Variants in LRFN3 observed in about 807,000 individuals in gnomAD.
LRFN3 encodes the protein leucine-rich repeat and fibronectin type-III domain-containing protein 3.
Under a neutral mutation model 23.8 loss-of-function variants are expected in LRFN3, and 8 were observed. The ratio of observed to expected loss-of-function variants is 0.34; its 90% confidence interval spans 0.20 to 0.61. The LOEUF (loss-of-function observed/expected upper bound fraction) is 0.61. LRFN3 is among the 20% of genes least tolerant of loss of function. The probability of loss-of-function intolerance (pLI) is 0.80; values close to 1 mark genes in which losing one functional copy is unlikely to be tolerated. For missense variants in LRFN3, 736 were observed against 935.3 expected (o/e 0.79, Z 2.78); for synonymous variants, 451 against 450.6 (o/e 1.00, Z -0.01).
Position 35,936,435 on chromosome 19 carries a change from C to A in LRFN3, c.-1137C>A, listed in dbSNP as rs1976055747. Among the ~76,000 whole-genome samples the A allele has an allele frequency of 6.6e-6, 1 of 150,754 alleles. No homozygotes were observed. The highest frequency in any genetic ancestry group is 2.4e-5 in the African/African-American group (1 of 41,092). The stretch of plus-strand genomic sequence containing the variant: ...AGGAGGCCGCGGGAGCGCCTGGACC[C>A]GGCCCGCCCAGCCCGGCCCCCGCCC... On this transcript the variant is annotated 5_prime_UTR_variant, in exon 1 of 3. Transcript: ENST00000246529.
rs752316941 is a variant in LRFN3, at chr19:35,939,418, T to A, written c.-8T>A. Reference sequence around the variant, plus strand: ...TCCCCTCTTCTCCGCAGGACACCCCTGCCCGCGATGGCCATCCTCCCGTTG... The same window carrying A: ...TCCCCTCTTCTCCGCAGGACACCCCAGCCCGCGATGGCCATCCTCCCGTTG... On this transcript the variant is annotated 5_prime_UTR_variant, in exon 2 of 3. Coordinates refer to ENST00000246529, the MANE Select transcript of LRFN3 (RefSeq NM_024509.2). This position sits in a 1 kb window ranked among gnomAD's most constrained non-coding sequence, Gnocchi z 6.4. 6.4e-7 allele frequency: 1 copy of A among 1,572,068 alleles called. No homozygotes were observed. The highest frequency in any genetic ancestry group is 8.6e-7 in the Non-Finnish European group (1 of 1,161,470).
At chr19:35,938,582 C>T (rs1475567882) in intron 1 of LRFN3, among the ~76,000 whole-genome samples, 2 of 152,188 alleles carry the variant, frequency 1.3e-5, no homozygotes, top group Non-Finnish European at 2.9e-5. Context: ...CCTTTCCTCT[C>T]TCCGATGACC....
chr19:35,944,471 G>T lies in LRFN3; in HGVS notation c.1416-77G>T, dbSNP rs1976153195. On this transcript the variant is annotated intron_variant, in intron 2 of 2. Coordinates refer to ENST00000246529, the MANE Select transcript of LRFN3 (RefSeq NM_024509.2). This position sits in a 1 kb window ranked among gnomAD's most constrained non-coding sequence, Gnocchi z 4.5. ...GTGGACTGGTGGGAAGTCTAGCCCC[G>T]CAGGGAGTTTGGTGGGGGAAGCACA... 6 of 1,018,640 alleles carry T rather than the reference G, an allele frequency of 5.9e-6. No homozygotes were observed. Among genetic ancestry groups the T allele is most frequent in the South Asian group, 2.0e-5 (1 of 49,650 alleles). 63.1% of individuals were successfully genotyped at this position (1,018,640 alleles called of 1,614,324 possible).
At position 35,936,524 on chromosome 19, in the gene LRFN3, C is replaced by G. The variant is rs1432989309; in HGVS notation, c.-1048C>G. ...GCGCGGCCCCTCCCCCCTGCGCCCC[C>G]GCCTGCGCTGCGGTGCCCCCATCCC... On this transcript the variant is annotated 5_prime_UTR_variant, in exon 1 of 3. Coordinates refer to ENST00000246529, the MANE Select transcript of LRFN3 (RefSeq NM_024509.2). 6.6e-6 allele frequency: 1 copy of G among 150,960 alleles called. No homozygotes were observed. The highest frequency in any genetic ancestry group is 2.1e-4 in the South Asian group (1 of 4,818). The allele number at this position is 150,960 out of a possible 1,614,324, so 9.4% of individuals were successfully genotyped here.
At chr19:35,942,769 C>T (rs1458623096) in intron 2 of LRFN3, among the ~76,000 whole-genome samples, 2 of 152,160 alleles carry the variant, frequency 1.3e-5, no homozygotes, top group African/African-American at 4.8e-5. Flanking sequence ...TGGCTTAACC[C>T]CTATAATCCC....
In LRFN3 at chr19:35,937,319, A is replaced by C. The variant is rs1157085148; in HGVS notation, c.-253A>C. The C allele has an allele frequency of 6.6e-6, 1 of 152,368 alleles. No individual in the cohort carries two copies. The highest frequency in any genetic ancestry group is 2.4e-5 in the African/African-American group (1 of 41,450). 9.4% of individuals were successfully genotyped at this position (152,368 alleles called of 1,614,324 possible). A position where few individuals can be genotyped will look rare whatever the true frequency, so the allele number is the denominator to read the frequency against. ...CTGGACCTGGGAGACCCTGACCCTG[A>C]ACAACCCAAACTGGACCCGTAAAAC... On this transcript the variant is annotated 5_prime_UTR_variant, in exon 1 of 3. Transcript: ENST00000246529.
At position 35,946,055 on chromosome 19, in the gene LRFN3, T is replaced by C. The variant is rs533424431; in HGVS notation, c.*1036T>C. Among the ~76,000 whole-genome samples the C allele has an allele frequency of 3.7e-4, 56 of 151,602 alleles. No homozygotes were observed. Among genetic ancestry groups the C allele is most frequent in the African/African-American group, 1.3e-3 (53 of 41,276 alleles). On this transcript the variant is annotated 3_prime_UTR_variant, in exon 3 of 3. Coordinates refer to ENST00000246529, the MANE Select transcript of LRFN3 (RefSeq NM_024509.2). ...GGTGGGTTATGGAGCTGCGGGGCCA[T>C]GGGGTGGGGCAGGAAGATGGTGGGG... is the stretch of plus-strand genomic sequence containing the variant.
rs139111784 is a variant in LRFN3 at position 35,938,452 on chromosome 19, T to G, written c.-17+897T>G. On this transcript the variant is annotated intron_variant, in intron 1 of 2. Coordinates refer to ENST00000246529, the MANE Select transcript of LRFN3 (RefSeq NM_024509.2). ...TCTTTTCTCTCGCTCGCTGATGCCC[T>G]CTGATCATCTCTGGCCACCTCTTCT... 8.5e-4 allele frequency among the ~76,000 whole-genome samples: 129 copies of G among 151,932 alleles called. 1 individual carries two copies. The highest frequency in any genetic ancestry group is 3.1e-3 in the African/African-American group (128 of 41,388).
At chr19:35,943,219 CTA>C (rs1421124381) in intron 2 of LRFN3, among the ~76,000 whole-genome samples, 7 of 151,800 alleles carry the variant, frequency 4.6e-5, no homozygotes, top group Non-Finnish European at 8.8e-5. Flanking sequence ...ACAAAAGAAA[CTA>C]TAGTGAAATT....
rs146628976 is a variant in LRFN3, at chr19:35,945,343, C to T, written c.*324C>T. The T allele has an allele frequency of 1.1e-3, 306 of 272,026 alleles. 4 individuals carry two copies. The highest frequency in any genetic ancestry group is 5.2e-3 in the African/African-American group (234 of 44,956). 16.9% of individuals were successfully genotyped at this position (272,026 alleles called of 1,614,324 possible). A position where few individuals can be genotyped will look rare whatever the true frequency, so the allele number is the denominator to read the frequency against. On this transcript the variant is annotated 3_prime_UTR_variant, in exon 3 of 3. Coordinates refer to ENST00000246529, the MANE Select transcript of LRFN3 (RefSeq NM_024509.2). ...GGCTGAGGATGGCGATCCATTCAGA[C>T]AATAGATGTTCCCTGCGTGTCGGCT... is the stretch of plus-strand genomic sequence containing the variant.
chr19:35,941,146 A>G (rs905168411), intron 2 of LRFN3, among the ~76,000 whole-genome samples: 2 of 152,226 alleles, frequency 1.3e-5, no homozygotes, highest in African/African-American at 4.8e-5. Flanking sequence ...CAATAAGGAT[A>G]AACGAAATCA....
In LRFN3 at chr19:35,944,542, C is replaced by T; in HGVS notation, c.1416-6C>T. On this transcript the variant is annotated splice_polypyrimidine_tract_variant and splice_region_variant and intron_variant, in intron 2 of 2. Coordinates refer to ENST00000246529, the MANE Select transcript of LRFN3 (RefSeq NM_024509.2). This position sits in a 1 kb window ranked among gnomAD's most constrained non-coding sequence, Gnocchi z 4.5. Reference sequence around the variant, plus strand: ...GAGACCTGACCCCCACCTGCCTGCCCTGCAGGATGATCCCGGCGGAGAGCC... The same window carrying T: ...GAGACCTGACCCCCACCTGCCTGCCTTGCAGGATGATCCCGGCGGAGAGCC... 6.9e-7 allele frequency: 1 copy of T among 1,442,304 alleles called. No individual in the cohort carries two copies. The highest frequency in any genetic ancestry group is 1.5e-5 in the South Asian group (1 of 67,342). The allele number at this position is 1,442,304 out of a possible 1,614,324, so 89.3% of individuals were successfully genotyped here. A position where few individuals can be genotyped will look rare whatever the true frequency, so the allele number is the denominator to read the frequency against.
Position 35,940,338 on chromosome 19 carries a change from C to T in LRFN3, c.913C>T (p.Leu305=), listed in dbSNP as rs1298683313. 3.8e-6 allele frequency: 6 copies of T among 1,578,640 alleles called. No homozygotes were observed. The highest frequency in any genetic ancestry group is 5.1e-6 in the Non-Finnish European group (6 of 1,167,420). ...PPVVTHRSPP[L]AVPAGRPAAL... is the part of the protein sequence containing the mutation. Reference sequence around the variant, plus strand: ...CGTGGTGACTCACCGCTCACCACCTCTGGCTGTGCCCGCAGGTCGGCCGGC... The same window carrying T: ...CGTGGTGACTCACCGCTCACCACCTTTGGCTGTGCCCGCAGGTCGGCCGGC... Residue 305 remains leucine (L), a synonymous_variant, in exon 2 of 3, where the codon CTG becomes TTG. Transcript: ENST00000246529.
Position 35,940,598 on chromosome 19 carries a change from A to G in LRFN3, c.1173A>G (p.Leu391=). The G allele has an allele frequency of 3.7e-6, 6 of 1,611,396 alleles. No homozygotes were observed. Among genetic ancestry groups the G allele is most frequent in the Non-Finnish European group, 5.1e-6 (6 of 1,178,490 alleles). Residue 391 remains leucine (L), a synonymous_variant, in exon 2 of 3, where the codon CTA becomes CTG. Coordinates refer to ENST00000246529, the MANE Select transcript of LRFN3 (RefSeq NM_024509.2). ...LTVGPPPPPQ[L]ANSTSCDPPR... ...TGGGTCCCCCACCACCTCCTCAGCT[A>G]GCCAACAGCACCAGCTGTGACCCCC... is the stretch of plus-strand genomic sequence containing the variant.
At position 35,940,193 on chromosome 19, in the gene LRFN3, G is replaced by A; in HGVS notation, c.768G>A (p.Glu256=). 1 of 1,609,716 alleles carries A rather than the reference G, an allele frequency of 6.2e-7. No individual in the cohort carries two copies. The highest frequency in any genetic ancestry group is 1.1e-5 in the South Asian group (1 of 91,060). ...GGAACCCCCTGCACTGCAACTGCGA[G>A]CTGGTGTGGCTGCGTCGCCTGGCGC... ...FGGNPLHCNC[E]LVWLRRLARE... Residue 256 remains glutamate, a synonymous_variant, in exon 2 of 3, where the codon GAG becomes GAA. Coordinates refer to ENST00000246529, the MANE Select transcript of LRFN3 (RefSeq NM_024509.2).
intron 2 of LRFN3, among the ~76,000 whole-genome samples, 186 bp downstream of exon 2, chr19:35,941,026 G>T (rs2145301128): frequency 6.6e-6 from 1 of 152,102 alleles, no homozygotes; most frequent in East Asian, 1.9e-4. Flanking sequence ...TGGCAGAAAG[G>T]GTCAATGAAA....
At chr19:35,938,928 C>T (rs535994512) in intron 1 of LRFN3, among the ~76,000 whole-genome samples, 14 of 152,192 alleles carry the variant, frequency 9.2e-5, no homozygotes, top group Non-Finnish European at 1.9e-4. Context: ...GCCACTCACC[C>T]AGACCAGCTG....
chr19:35,938,985 G>A (rs920813869), intron 1 of LRFN3, among the ~76,000 whole-genome samples: 10 of 152,296 alleles, frequency 6.6e-5, no homozygotes, highest in African/African-American at 2.2e-4. Context: ...GAGAGACAGA[G>A]TCACGCTCTG....
rs1005781900 is a variant in LRFN3, at chr19:35,946,612, C to T, written c.*1593C>T. Among the ~76,000 whole-genome samples, 4 of 152,094 alleles carry T rather than the reference C, an allele frequency of 2.6e-5. No individual in the cohort carries two copies. Among genetic ancestry groups the T allele is most frequent in the East Asian group, 1.9e-4 (1 of 5,182 alleles). ...TGTTCAATGATATAAATAAAGGCTG[C>T]GGTGACCCCCCAGAGAGCAGTGTTA... On this transcript the variant is annotated 3_prime_UTR_variant, in exon 3 of 3. Transcript: ENST00000246529.
Sources: allele counts gnomAD v4.1 joint callset (sites outside exome capture counted in the v4.1 genomes callset), GRCh38; gene constraint gnomAD v4.1.1; non-coding constraint Gnocchi (gnomAD v3.1); transcripts MANE v1.5; gene names NCBI Gene and HGNC (gene_info 2026-07-23, HGNC 2026-07-21).